Variants in ABCC10 observed in about 807,000 individuals in gnomAD.
ABCC10 encodes ATP-binding cassette sub-family C member 10.
A neutral mutation model predicts 143.2 loss-of-function variants in ABCC10; 110 were observed. That is an observed-to-expected ratio of 0.77 (90% CI 0.66 to 0.90). ABCC10 has a LOEUF of 0.90. ABCC10 is among the 40% of genes least tolerant of loss of function. ABCC10 has a pLI of 0.00. For synonymous variants in ABCC10, 805 were observed against 846.7 expected, an observed-to-expected ratio of 0.95 and a Z score of 0.85; for missense variants, 1,700 against 1,900.5, an observed-to-expected ratio of 0.89 and a Z score of 1.96.
At position 43,449,971 on chromosome 6, in the gene ABCC10, A is replaced by C. The variant is rs1783601003; in HGVS notation, c.4359A>C (p.Gln1453His). ...ILNSDRVLVL[Q>H]AGRVVELDSP... ...ACTCAGACCGGGTGCTGGTGCTACA[A>C]GCGGGGAGAGTGGTAGAGCTGGACT... is the stretch of plus-strand genomic sequence containing the variant. The change falls in exon 22 of 22, where the codon CAA (glutamine) becomes CAC (histidine). Residue 1453 changes from glutamine (Q) to histidine (H), a missense_variant. Transcript: ENST00000372530. 1 of 1,613,948 alleles carries C rather than the reference A, an allele frequency of 6.2e-7. No homozygotes were observed. The highest frequency in any genetic ancestry group is 8.5e-7 in the Non-Finnish European group (1 of 1,179,974).
Position 43,435,813 on chromosome 6 carries a change from G to A in ABCC10, c.1671G>A (p.Val557=). ...TTCCTCTCAACAACTTCCCTTGGGT[G>A]ATCAATGGTCTCCTGGAGGCCAAAG... The part of the protein sequence containing the change: ...LILPLNNFPW[V]INGLLEAKVS... The change falls in exon 5 of 22, where the codon GTG becomes GTA. Residue 557 remains valine, a synonymous_variant. Coordinates refer to ENST00000372530, the MANE Select transcript of ABCC10 (RefSeq NM_001198934.2). The A allele has an allele frequency of 6.2e-7, 1 of 1,614,222 alleles. No individual in the cohort carries two copies. Among genetic ancestry groups the A allele is most frequent in the South Asian group, 1.1e-5 (1 of 91,086 alleles).
At position 43,446,436 on chromosome 6, in the gene ABCC10, C is replaced by T. The variant is rs149872038; in HGVS notation, c.3534C>T (p.Leu1178=). ...CTCTGGTGCAGCACCAGCAGGGCCT[C>T]GCTAACCCAGGTGCCACCCAGGACC... is the stretch of plus-strand genomic sequence containing the variant. ...GIALVQHQQG[L]ANPGLVGLSL... The change falls in exon 16 of 22, where the codon CTC becomes CTT. Residue 1178 remains leucine (L), a synonymous_variant. Transcript: ENST00000372530. 2.2e-5 allele frequency: 36 copies of T among 1,610,772 alleles called. No individual in the cohort carries two copies. In the South Asian group the frequency reaches 2.4e-4, roughly 11 times the overall value.
intron 8 of ABCC10, among the ~76,000 whole-genome samples, chr6:43,440,721 G>A (rs1782305352): frequency 1.3e-5 from 2 of 151,984 alleles, no homozygotes; most frequent in African/African-American, 4.8e-5. Context: ...AAATAGCTGG[G>A]CGTGGTCGTG....
At chr6:43,441,660 G>A (rs555748165) in intron 8 of ABCC10, among the ~76,000 whole-genome samples, 1 of 152,348 alleles carries the variant, frequency 6.6e-6, no homozygotes, top group East Asian at 1.9e-4. Context: ...TGCCTGTAAA[G>A]TGCTAGGCAC....
intron 8 of ABCC10, among the ~76,000 whole-genome samples, chr6:43,440,295 C>T (rs1291437441): frequency 1.3e-5 from 2 of 152,154 alleles, no homozygotes; most frequent in Admixed American, 6.5e-5. Context: ...TGTACTACCT[C>T]TAAGGCTTCT....
At chr6:43,433,531 A>G (rs1562172756) in intron 3 of ABCC10, among the ~76,000 whole-genome samples, 171 bp downstream of exon 3, 1 of 152,224 alleles carries the variant, frequency 6.6e-6, no homozygotes, top group Non-Finnish European at 1.5e-5. Context: ...TACTGGTTCA[A>G]TCACTTCAGA....
chr6:43,450,662 G>A, downstream of ABCC10: 1 of 1,613,940 alleles, frequency 6.2e-7, no homozygotes, highest in Non-Finnish European at 8.5e-7. This position sits in a 1 kb window ranked among gnomAD's most constrained non-coding sequence, Gnocchi z 4.5. Context: ...GGGCAGGGTA[G>A]CAACAGGGTC....
At chr6:43,444,097 A>T in intron 11 of ABCC10, 62 bp from the exon 12 acceptor site, 1 of 1,610,408 alleles carries the variant, frequency 6.2e-7, no homozygotes, top group Non-Finnish European at 8.5e-7. Context: ...CTCCTCTGAA[A>T]TACTGAGTTT....
intron 8 of ABCC10, among the ~76,000 whole-genome samples, chr6:43,439,709 G>A (rs1421202895): frequency 6.6e-6 from 1 of 152,068 alleles, no homozygotes; most frequent in Non-Finnish European, 1.5e-5. Flanking sequence ...TCAGCCTCTC[G>A]AGTAGCTGGG....
chr6:43,442,479 G>A (rs1172008048), intron 9 of ABCC10, among the ~76,000 whole-genome samples: 1 of 152,192 alleles, frequency 6.6e-6, no homozygotes, highest in East Asian at 1.9e-4. Flanking sequence ...GCTGAGGCAG[G>A]AGAATCGCTT....
Position 43,447,306 on chromosome 6 carries a change from G to T in ABCC10, c.3603G>T (p.Leu1201=). 1 of 1,613,692 alleles carries T rather than the reference G, an allele frequency of 6.2e-7. No homozygotes were observed. ...ALSLTGLLSG[L]VSSFTQTEAM... Reference sequence around the variant, plus strand: ...CCCTGACGGGCCTGCTCTCGGGCCTGGTGAGCAGCTTCACACAGACAGAGG... The same window carrying T: ...CCCTGACGGGCCTGCTCTCGGGCCTTGTGAGCAGCTTCACACAGACAGAGG... Residue 1201 remains leucine, a synonymous_variant, in exon 17 of 22, where the codon CTG becomes CTT. Coordinates refer to ENST00000372530, the MANE Select transcript of ABCC10 (RefSeq NM_001198934.2).
chr6:43,446,637 G>T, intron 16 of ABCC10, 191 bp downstream of exon 16: 1 of 985,328 alleles, frequency 1.0e-6, no homozygotes, highest in Non-Finnish European at 1.2e-6. Context: ...TTGCCCAGGT[G>T]GTGGTGGCTT....
rs773115885 is a variant in ABCC10 at position 43,445,213 on chromosome 6, G to A, written c.2929G>A (p.Val977Ile). 2.0e-5 allele frequency: 33 copies of A among 1,613,972 alleles called. No individual in the cohort carries two copies. The highest frequency in any genetic ancestry group is 2.5e-6 in the Non-Finnish European group (3 of 1,179,992). The change falls in exon 14 of 22, where the codon GTA becomes ATA. Residue 977 changes from valine to isoleucine, a missense_variant. By Grantham distance (29) the Val-to-Ile change is conservative (BLOSUM62 3). Transcript: ENST00000372530. ...CACCGTGTATGCGACCATTGCTGGTGTAAATTCCCTCTGCACCCTTCTCCG... is the reference window on the plus strand; with the variant it reads ...CACCGTGTATGCGACCATTGCTGGTATAAATTCCCTCTGCACCCTTCTCCG... ...YLTVYATIAG[V>I]NSLCTLLRAV...
intron 21 of ABCC10, 104 bp downstream of exon 21, chr6:43,449,638 GC>G (rs141267810): frequency 8.2e-5 from 79 of 962,060 alleles, no homozygotes; most frequent in Non-Finnish European, 1.1e-4. Context: ...TAGAGATCCT[GC>G]CCCCCCAGAT....
chr6:43,435,765 G>A lies in ABCC10; in HGVS notation c.1623G>A (p.Leu541=). The A allele has an allele frequency of 6.2e-7, 1 of 1,614,194 alleles. No homozygotes were observed. Among genetic ancestry groups the A allele is most frequent in the Non-Finnish European group, 8.5e-7 (1 of 1,180,018 alleles). ...ACCTCACTCAGGTGTTCACGGCCCT[G>A]GCACTGGTGCGAATGCTCATTCTTC... is the stretch of plus-strand genomic sequence containing the variant. The part of the protein sequence containing the change: ...QLTATKVFTA[L]ALVRMLILPL... Residue 541 remains leucine (L), a synonymous_variant, in exon 5 of 22, where the codon CTG becomes CTA. Transcript: ENST00000372530.
In ABCC10 at chr6:43,434,788, C is replaced by G; in HGVS notation, c.1548C>G (p.Val516=). Residue 516 remains valine, a synonymous_variant, in exon 4 of 22, where the codon GTC becomes GTG. Transcript: ENST00000372530. ...ACCTGTGGGCTGCCCTACCGGTTGT[C>G]ATCTCCATCGTTATCTTCATCACCT... The part of the protein sequence containing the change: ...CVYLWAALPV[V]ISIVIFITYV... The G allele has an allele frequency of 6.2e-7, 1 of 1,614,182 alleles. No individual in the cohort carries two copies. Among genetic ancestry groups the G allele is most frequent in the Non-Finnish European group, 8.5e-7 (1 of 1,180,046 alleles).
At position 43,448,955 on chromosome 6, in the gene ABCC10, G is replaced by T. The variant is rs749481796; in HGVS notation, c.4034G>T (p.Gly1345Val). 1.9e-6 allele frequency: 3 copies of T among 1,614,082 alleles called. No homozygotes were observed. Among genetic ancestry groups the T allele is most frequent in the Non-Finnish European group, 2.5e-6 (3 of 1,180,028 alleles). Residue 1345 changes from glycine to valine, a missense_variant, in exon 19 of 22, where the codon GGC (glycine) becomes GTC (valine). By Grantham distance (109) the Gly-to-Val change is moderately radical (BLOSUM62 -3). Transcript: ENST00000372530. ...GTVRENLDPQGLHKDRALWQA... is the reference protein window; with the variant it reads ...GTVRENLDPQVLHKDRALWQA... Reference sequence around the variant, plus strand: ...GTTCGGGAAAACCTGGACCCCCAGGGCCTACATAAGGACAGGGCCTTGTGG... The same window carrying T: ...GTTCGGGAAAACCTGGACCCCCAGGTCCTACATAAGGACAGGGCCTTGTGG...
downstream of ABCC10, chr6:43,451,798 T>C: frequency 1.4e-6 from 2 of 1,426,042 alleles, no homozygotes; most frequent in Admixed American, 2.9e-5. This position sits in a 1 kb window ranked among gnomAD's most constrained non-coding sequence, Gnocchi z 4.4. Flanking sequence ...AGGAACACTT[T>C]GGCATGCAGG....
In ABCC10 at chr6:43,449,152, T is replaced by C; in HGVS notation, c.4151T>C (p.Leu1384Pro). 6.2e-7 allele frequency: 1 copy of C among 1,613,824 alleles called. No homozygotes were observed. The highest frequency in any genetic ancestry group is 1.3e-5 in the African/African-American group (1 of 75,026). Residue 1384 changes from leucine (L) to proline (P), a missense_variant, in exon 20 of 22, where the codon CTT (leucine) becomes CCT (proline). By Grantham distance (98) the Leu-to-Pro change is moderately conservative. Transcript: ENST00000372530. ...GGTGAGGGGGGCCGGAGCTTATCTC[T>C]TGGGCAGAGGCAGCTGTTGTGTTTG... ...ELGEGGRSLS[L>P]GQRQLLCLAR...
Sources: gnomAD v4.1 joint callset for allele counts (sites outside exome capture counted in the v4.1 genomes callset) on GRCh38, gnomAD v4.1.1 for gene constraint, Gnocchi (gnomAD v3.1) non-coding constraint, MANE v1.5 for transcripts, NCBI Gene and HGNC (gene_info 2026-07-23, HGNC 2026-07-21) for gene names.